The following DGUOK variants were observed in gnomAD, a reference collection of about 807,000 sequenced individuals.
The protein encoded by DGUOK is deoxyguanosine kinase, mitochondrial.
A neutral mutation model predicts 36.6 loss-of-function variants in DGUOK; 30 were observed. The ratio of observed to expected loss-of-function variants is 0.82; its 90% CI spans 0.61 to 1.11. DGUOK has a LOEUF of 1.11. DGUOK is among the 50% of genes most tolerant of loss of function. The pLI, the probability that DGUOK is intolerant of heterozygous loss-of-function variation, is 0.00. For missense variants in DGUOK, 361 were observed against 336.4 expected (o/e 1.07, Z -0.57); for synonymous variants, 145 against 126.3 (o/e 1.15, Z -0.99).
At chr2:73,953,308 G>T (rs1380744231) in intron 4 of DGUOK, among the ~76,000 whole-genome samples, 1 of 147,914 alleles carries the variant, frequency 6.8e-6, no homozygotes, top group African/African-American at 2.6e-5. Context: ...CGTCGTCGTC[G>T]TCGTCGTCAC....
chr2:73,927,161 T>A (rs1680662134), intron 1 of DGUOK, 109 bp downstream of exon 1: 4 of 1,465,822 alleles, frequency 2.7e-6, no homozygotes, highest in Non-Finnish European at 3.7e-6. Flanking sequence ...GCCGGCCTCT[T>A]TTTCTGGGCT....
At chr2:73,945,388 T>C (rs968536459) in intron 2 of DGUOK, among the ~76,000 whole-genome samples, 7 of 152,170 alleles carry the variant, frequency 4.6e-5, no homozygotes, top group African/African-American at 1.7e-4. Context: ...TTGTTCACCT[T>C]TAGATGGAGG....
chr2:73,942,571 A>G (rs1681979277), intron 2 of DGUOK, among the ~76,000 whole-genome samples: 1 of 148,968 alleles, frequency 6.7e-6, no homozygotes, highest in Admixed American at 6.8e-5. Context: ...GTTGATTGTT[A>G]TATTTATCTT....
intron 3 of DGUOK, among the ~76,000 whole-genome samples, chr2:73,949,680 C>T (rs749380678): frequency 6.6e-6 from 1 of 152,190 alleles, no homozygotes; most frequent in East Asian, 1.9e-4. Context: ...CACAAGGGTT[C>T]TGAATTTTAT....
intron 2 of DGUOK, 64 bp from the exon 3 acceptor site, chr2:73,946,655 G>A (rs1011514211): frequency 2.8e-6 from 4 of 1,433,632 alleles, no homozygotes; most frequent in Admixed American, 1.7e-5. Flanking sequence ...TGTGTGGAGG[G>A]GTGTACCCCA....
At chr2:73,937,303 C>A (rs976407800) in intron 1 of DGUOK, among the ~76,000 whole-genome samples, 1 of 152,238 alleles carries the variant, frequency 6.6e-6, no homozygotes, top group South Asian at 2.1e-4. Flanking sequence ...CCATCTTGAG[C>A]CACTCCTCCA....
At chr2:73,947,580 G>A (rs956000148) in intron 3 of DGUOK, 9 of 158,386 alleles carry the variant, frequency 5.7e-5, no homozygotes, top group Non-Finnish European at 1.1e-4. Flanking sequence ...ATGCAAGCTA[G>A]CAGCACCCTG....
chr2:73,955,271 A>C (rs879707496), intron 4 of DGUOK, among the ~76,000 whole-genome samples: 83 of 152,216 alleles, frequency 5.5e-4, no homozygotes, highest in Non-Finnish European at 9.7e-4. Context: ...AAAAAAATTT[A>C]TTTTCACGAA....
At chr2:73,927,092 C>T (rs1664570213) in intron 1 of DGUOK, 40 bp downstream of exon 1, 6 of 1,602,636 alleles carry the variant, frequency 3.7e-6, no homozygotes, top group Non-Finnish European at 5.1e-6. Flanking sequence ...TGGCCTCCGC[C>T]ACGCAGGCGA....
intron 1 of DGUOK, among the ~76,000 whole-genome samples, chr2:73,936,139 A>G (rs1412732997): frequency 6.6e-6 from 1 of 152,250 alleles, no homozygotes; most frequent in African/African-American, 2.4e-5. Flanking sequence ...CATATTTTAG[A>G]CTTGTTAAAC....
At chr2:73,956,974 T>TTGGTGGTG in intron 4 of DGUOK, 151 bp from the exon 5 acceptor site, 1 of 528,400 alleles carries the variant, frequency 1.9e-6, no homozygotes, top group Non-Finnish European at 3.5e-6. Context: ...GTAGATCCTC[T>TTGGTGGTG]GATTGCATAA....
At chr2:73,931,627 T>C (rs562651617) in intron 1 of DGUOK, among the ~76,000 whole-genome samples, 82 of 152,278 alleles carry the variant, frequency 5.4e-4, no homozygotes, top group African/African-American at 2.0e-3. Flanking sequence ...GTGTGTGCCA[T>C]GACCAGATTA....
intron 4 of DGUOK, 138 bp downstream of exon 4, chr2:73,950,870 C>A: frequency 8.5e-7 from 1 of 1,180,418 alleles, no homozygotes; most frequent in Non-Finnish European, 1.3e-6. Context: ...GGGGGACACC[C>A]TCCTGTCCCA....
intron 1 of DGUOK, among the ~76,000 whole-genome samples, chr2:73,936,937 A>G (rs1472603828): frequency 1.3e-5 from 2 of 152,208 alleles, no homozygotes; most frequent in Non-Finnish European, 2.9e-5. Flanking sequence ...AGGTTCATCT[A>G]AACAGAACCT....
intron 2 of DGUOK, among the ~76,000 whole-genome samples, chr2:73,945,394 G>A (rs1682226682): frequency 6.6e-6 from 1 of 152,136 alleles, no homozygotes; most frequent in African/African-American, 2.4e-5. Context: ...ACCTTTAGAT[G>A]GAGGGTGTTG....
At chr2:73,945,884 G>A (rs935956755) in intron 2 of DGUOK, among the ~76,000 whole-genome samples, 40 of 152,130 alleles carry the variant, frequency 2.6e-4, no homozygotes, top group East Asian at 7.7e-4. Flanking sequence ...TTAGCTTGTC[G>A]TGGTGGCGGG....
intron 1 of DGUOK, among the ~76,000 whole-genome samples, chr2:73,938,376 C>A (rs1199652809): frequency 7.9e-5 from 12 of 152,212 alleles, no homozygotes. Context: ...GTTTGTATCA[C>A]CCATACAAGC....
intron 3 of DGUOK, among the ~76,000 whole-genome samples, chr2:73,950,002 C>T (rs1190427601): frequency 6.6e-6 from 1 of 152,174 alleles, no homozygotes; most frequent in Non-Finnish European, 1.5e-5. Context: ...AGTCTGCTTT[C>T]TTAGTAATAC....
rs180751940 is a variant in DGUOK, at chr2:73,945,577, C to T, written c.256-1142C>T. ...TTGAAGATTAATTGAGGTAACATAC[C>T]ACAGTAAAGGTTGAAATAAATGTTA... On this transcript the variant is annotated intron_variant, in intron 2 of 6. Coordinates refer to ENST00000264093, the MANE Select transcript of DGUOK (RefSeq NM_080916.3). Among the ~76,000 whole-genome samples, 3 of 152,282 alleles carry T rather than the reference C, an allele frequency of 2.0e-5. No homozygotes were observed. In the East Asian group the frequency reaches 5.8e-4, roughly 29 times the overall value.
Sources: gnomAD v4.1 joint callset for allele counts (sites outside exome capture counted in the v4.1 genomes callset) on GRCh38, gnomAD v4.1.1 for gene constraint, MANE v1.5 for transcripts, NCBI Gene and HGNC (gene_info 2026-07-23, HGNC 2026-07-21) for gene names.